ANKRD26: variants seen among roughly 807,000 people sequenced by gnomAD.
ANKRD26 encodes the protein ankyrin repeat domain-containing protein 26.
ANKRD26 carries 141 observed loss-of-function variants against 208.7 expected under a neutral mutation model. The ratio of observed to expected loss-of-function variants is 0.68; its 90% CI spans 0.59 to 0.78. The LOEUF (loss-of-function observed/expected upper bound fraction) is 0.78, where lower values mean the gene tolerates loss of function less well. ANKRD26 is among the 30% of genes least tolerant of loss of function. The probability of loss-of-function intolerance (pLI) is 0.00; values close to 1 mark genes in which losing one functional copy is unlikely to be tolerated. For synonymous variants in ANKRD26, 636 were observed against 660.4 expected (o/e 0.96, Z 0.57); for missense variants, 1,889 against 1,938.7 (o/e 0.97, Z 0.48).
At chr10:27,082,857 C>A in intron 5 of ANKRD26, 24 bp from the exon 6 acceptor site, 1 of 1,577,422 alleles carries the variant, frequency 6.3e-7, no homozygotes, top group Non-Finnish European at 8.6e-7. Context: ...AAGTAAAACA[C>A]ACTTTAAATC....
Position 27,082,792 on chromosome 10 carries a change from T to C in ANKRD26, c.740+11A>G, listed in dbSNP as rs1369898067. On this transcript the variant is annotated intron_variant, in intron 6 of 33. Transcript: ENST00000376087. ...CTTTAAATATATTTTTAAAAATCTG[T>C]AAAATACTACCTGCTTAAGGAGTCT... 27 of 1,578,362 alleles carry C rather than the reference T, an allele frequency of 1.7e-5. No individual in the cohort carries two copies. The highest frequency in any genetic ancestry group is 2.3e-5 in the Non-Finnish European group (27 of 1,161,072).
At chr10:26,991,063 T>C (rs1435959162), downstream of ANKRD26, among the ~76,000 whole-genome samples, 6 of 152,198 alleles carry the variant, frequency 3.9e-5, no homozygotes, top group African/African-American at 4.8e-5. Flanking sequence ...GAGTTTGTTT[T>C]TTTATAGCAA....
chr10:27,050,244 A>AAAAAAAAAAAAAAAAAAG (rs2054605396), intron 16 of ANKRD26, among the ~76,000 whole-genome samples: 1 of 134,284 alleles, frequency 7.4e-6, no homozygotes, highest in African/African-American at 3.7e-5. Context: ...AAAAAAAAAA[A>AAAAAAAAAAAAAAAAAAG]AAAGAAAGAA....
intron 5 of ANKRD26, among the ~76,000 whole-genome samples, chr10:26,977,190 C>T (rs186504737): frequency 4.6e-5 from 7 of 152,296 alleles, no homozygotes; most frequent in African/African-American, 9.6e-5. Context: ...TACCCAGGAC[C>T]GGAACTTTTT....
intron 4 of ANKRD26, among the ~76,000 whole-genome samples, chr10:27,090,243 C>T (rs920248607): frequency 5.3e-5 from 8 of 151,810 alleles, no homozygotes; most frequent in African/African-American, 9.7e-5. Flanking sequence ...GTCAGGAGTT[C>T]GAGACCAGCC....
At chr10:27,057,845 G>T (rs936234502) in intron 15 of ANKRD26, among the ~76,000 whole-genome samples, 1 of 151,806 alleles carries the variant, frequency 6.6e-6, no homozygotes, top group Non-Finnish European at 1.5e-5. Flanking sequence ...GCTGAGGCAG[G>T]AGAATCGCTT....
chr10:26,961,404 A>C, the ANKRD26 span, among the ~76,000 whole-genome samples: 7 of 152,338 alleles, frequency 4.6e-5, no homozygotes, highest in South Asian at 1.0e-3. Context: ...AGTAAGCATG[A>C]CTTCCATAGA....
chr10:27,020,560 G>C (rs886676182), intron 29 of ANKRD26, among the ~76,000 whole-genome samples: 1 of 152,132 alleles, frequency 6.6e-6, no homozygotes, highest in Admixed American at 6.6e-5. Context: ...GAGAACCTTA[G>C]ATATTTATCT....
At chr10:26,957,314 G>A in the ANKRD26 span, among the ~76,000 whole-genome samples, 489 of 152,250 alleles carry the variant, frequency 3.2e-3, 2 homozygotes, top group African/African-American at 0.011. Context: ...CTTGAACCTC[G>A]GAGGCAGAGG....
intron 7 of ANKRD26, 55 bp from the exon 8 acceptor site, chr10:27,077,748 TA>T: frequency 6.9e-7 from 1 of 1,446,916 alleles, no homozygotes; most frequent in Non-Finnish European, 9.6e-7. Context: ...TCAAATTTGA[TA>T]AAATAATCGT....
At chr10:27,015,183 T>C (rs2053249183) in intron 30 of ANKRD26, among the ~76,000 whole-genome samples, 1 of 152,258 alleles carries the variant, frequency 6.6e-6, no homozygotes, top group Non-Finnish European at 1.5e-5. Context: ...TTTGATGTGA[T>C]ATTCCATTTT....
Position 27,046,347 on chromosome 10 carries a change from T to G in ANKRD26, c.1985+6A>C, listed in dbSNP as rs1589275736. The stretch of plus-strand genomic sequence containing the variant: ...CATAGAAAAATAAAGAAATCATAGA[T>G]TTTACCTTCCTTCATCCTCATCTAT... On this transcript the variant is annotated splice_donor_region_variant and intron_variant, in intron 18 of 33. Coordinates refer to ENST00000376087, the MANE Select transcript of ANKRD26 (RefSeq NM_014915.3). 1 of 1,613,614 alleles carries G rather than the reference T, an allele frequency of 6.2e-7. No individual in the cohort carries two copies. The highest frequency in any genetic ancestry group is 1.1e-5 in the South Asian group (1 of 91,072).
In ANKRD26 at chr10:27,006,908, G is replaced by A; in HGVS notation, c.4999+9C>T. 6.2e-7 allele frequency: 1 copy of A among 1,602,964 alleles called. No individual in the cohort carries two copies. The highest frequency in any genetic ancestry group is 8.5e-7 in the Non-Finnish European group (1 of 1,171,264). ...ATCTAAATTTAATTCATGAAGTTTG[G>A]CAACATACCTTCTTTGAGTTCTCTA... On this transcript the variant is annotated intron_variant, in intron 33 of 33. Coordinates refer to ENST00000376087, the MANE Select transcript of ANKRD26 (RefSeq NM_014915.3).
At chr10:27,041,018 G>A (rs555175347) in intron 20 of ANKRD26, among the ~76,000 whole-genome samples, 17 of 149,894 alleles carry the variant, frequency 1.1e-4, no homozygotes, top group African/African-American at 3.2e-4. Flanking sequence ...GCAACAGAGC[G>A]AGACTCTGCC....
intron 3 of ANKRD26, among the ~76,000 whole-genome samples, chr10:26,983,372 C>G (rs749838877): frequency 6.6e-6 from 1 of 152,164 alleles, no homozygotes; most frequent in Non-Finnish European, 1.5e-5. Flanking sequence ...TTGTCCTAAC[C>G]ATCCTGGGGT....
At chr10:27,049,778 G>A (rs1249842432) in intron 16 of ANKRD26, among the ~76,000 whole-genome samples, 1 of 152,022 alleles carries the variant, frequency 6.6e-6, no homozygotes, top group Non-Finnish European at 1.5e-5. Flanking sequence ...GCACTTTATG[G>A]CACCAAAAGA....
At chr10:26,998,864 A>G (rs2052655639) in intron 4 of ANKRD26, among the ~76,000 whole-genome samples, 1 of 151,892 alleles carries the variant, frequency 6.6e-6, no homozygotes, top group African/African-American at 2.4e-5. Context: ...CGAGGAGGGG[A>G]AGATGGTAGA....
At chr10:27,057,383 A>C (rs547592260) in intron 15 of ANKRD26, among the ~76,000 whole-genome samples, 1 of 152,226 alleles carries the variant, frequency 6.6e-6, no homozygotes, top group South Asian at 2.1e-4. Context: ...TGTTTTCCAT[A>C]AGAGATTTGT....
At chr10:26,952,977 T>C in the ANKRD26 span, among the ~76,000 whole-genome samples, 1 of 152,218 alleles carries the variant, frequency 6.6e-6, no homozygotes, top group Non-Finnish European at 1.5e-5. Flanking sequence ...TAACTGAAAG[T>C]GACCAAGGCT....
Sources: allele counts gnomAD v4.1 joint callset (sites outside exome capture counted in the v4.1 genomes callset), GRCh38; gene constraint gnomAD v4.1.1; transcripts MANE v1.5; gene names NCBI Gene and HGNC (gene_info 2026-07-23, HGNC 2026-07-21).